Variants in TMA16 observed in about 807,000 individuals in gnomAD.
TMA16 encodes translation machinery-associated protein 16.
A neutral mutation model predicts 27.1 loss-of-function variants in TMA16; 26 were observed. The observed-to-expected ratio is 0.96, with a 90% confidence interval of 0.70 to 1.33. The LOEUF is 1.33. Ranked by LOEUF, TMA16 falls within the 40% of genes most tolerant of loss-of-function variation. The pLI is 0.00. For synonymous variants in TMA16, 71 were observed against 81.9 expected (o/e 0.87, Z 0.72); for missense variants, 233 against 241.4 (o/e 0.97, Z 0.23).
chr4:163,499,115 T>G (rs1278200560), intron 1 of TMA16, among the ~76,000 whole-genome samples: 7 of 152,186 alleles, frequency 4.6e-5, no homozygotes, highest in Non-Finnish European at 8.8e-5. Flanking sequence ...TTCATTGAAG[T>G]TTTTGTTTTT....
intron 1 of TMA16, among the ~76,000 whole-genome samples, chr4:163,496,006 T>C (rs1737547929): frequency 6.6e-6 from 1 of 152,252 alleles, no homozygotes; most frequent in Non-Finnish European, 1.5e-5. Context: ...GGTATTTGAC[T>C]GTAGTTGTCC....
At chr4:163,504,905 T>C (rs191486512) in intron 1 of TMA16, among the ~76,000 whole-genome samples, 13 of 152,280 alleles carry the variant, frequency 8.5e-5, no homozygotes, top group African/African-American at 3.1e-4. Flanking sequence ...CTTCACTAGC[T>C]GTTGTCTGGA....
chr4:163,495,816 T>C (rs953139241), intron 1 of TMA16, among the ~76,000 whole-genome samples: 2 of 152,208 alleles, frequency 1.3e-5, no homozygotes, highest in African/African-American at 4.8e-5. Flanking sequence ...TTTATTTTGA[T>C]CCACTGCTGA....
intron 1 of TMA16, among the ~76,000 whole-genome samples, chr4:163,495,486 T>C (rs931667448): frequency 6.6e-6 from 1 of 152,212 alleles, no homozygotes; most frequent in Admixed American, 6.5e-5. Context: ...ATTATCTAAG[T>C]TTTGTATTTA....
chr4:163,506,467 A>G (rs1033399300), intron 1 of TMA16, among the ~76,000 whole-genome samples: 13 of 152,194 alleles, frequency 8.5e-5, no homozygotes, highest in Admixed American at 2.6e-4. Context: ...TTGTGGGCTG[A>G]TTAACTGGCA....
At chr4:163,495,387 C>T (rs943193648) in intron 1 of TMA16, among the ~76,000 whole-genome samples, 1 of 152,176 alleles carries the variant, frequency 6.6e-6, no homozygotes, top group African/African-American at 2.4e-5. Context: ...TTCTCGTTTA[C>T]CCATTTTGTA....
At chr4:163,505,419 C>T (rs1737706501) in intron 1 of TMA16, among the ~76,000 whole-genome samples, 1 of 152,144 alleles carries the variant, frequency 6.6e-6, no homozygotes, top group Non-Finnish European at 1.5e-5. Context: ...GAGCAGAGCG[C>T]TCAATGAGTG....
chr4:163,514,067 T>C lies in TMA16; in HGVS notation c.155-7T>C, dbSNP rs1366037775. 7.5e-6 allele frequency: 12 copies of C among 1,600,724 alleles called. No homozygotes were observed. The South Asian group carries it at 1.2e-4, about 16-fold the overall frequency. ...GGGTAAACTGTCTTGGTACTTGTTG[T>C]TTATAGGTGAAAAACTGCAATGGTT... On this transcript the variant is annotated splice_region_variant and splice_polypyrimidine_tract_variant and intron_variant, in intron 3 of 6. Transcript: ENST00000358572.
Position 163,519,814 on chromosome 4 carries a change from T to C in TMA16, c.*300T>C. ...GACAAAAAATGTTTTGTTTTTCTTG[T>C]GTATTTATGATCACCTAATTTCACG... On this transcript the variant is annotated 3_prime_UTR_variant, in exon 7 of 7. Coordinates refer to ENST00000358572, the MANE Select transcript of TMA16 (RefSeq NM_018352.3). 1 of 501,072 alleles carries C rather than the reference T, an allele frequency of 2.0e-6. No individual in the cohort carries two copies. Among genetic ancestry groups the C allele is most frequent in the South Asian group, 2.4e-5 (1 of 42,100 alleles). 31.0% of individuals were successfully genotyped at this position (501,072 alleles called of 1,614,324 possible).
chr4:163,503,589 T>C (rs571122907), intron 1 of TMA16, among the ~76,000 whole-genome samples: 1 of 152,356 alleles, frequency 6.6e-6, no homozygotes, highest in East Asian at 1.9e-4. Context: ...TTACTTCTAG[T>C]TATGAATCCA....
At chr4:163,496,571 G>A (rs1419166142) in intron 1 of TMA16, among the ~76,000 whole-genome samples, 1 of 152,006 alleles carries the variant, frequency 6.6e-6, no homozygotes, top group Non-Finnish European at 1.5e-5. Flanking sequence ...TCTTTATGCT[G>A]CATTAAAAAG....
chr4:163,513,852 C>T (rs113693115), intron 3 of TMA16, among the ~76,000 whole-genome samples: 2 of 152,094 alleles, frequency 1.3e-5, no homozygotes, highest in East Asian at 1.9e-4. Context: ...TATACAGAAG[C>T]GCATCCCTCC....
intron 4 of TMA16, among the ~76,000 whole-genome samples, chr4:163,514,779 T>C (rs1470130885): frequency 6.6e-6 from 1 of 152,168 alleles, no homozygotes; most frequent in Non-Finnish European, 1.5e-5. Flanking sequence ...GCTGTAACAA[T>C]CCAGGCCAGA....
chr4:163,519,972 T>G lies in TMA16; in HGVS notation c.*458T>G, dbSNP rs758926659. On this transcript the variant is annotated 3_prime_UTR_variant, in exon 7 of 7. Transcript: ENST00000358572. ...CTTTTAAACATTAAACCTATTTTCC[T>G]TTTTTACAGAATAAGGGAAAATGTG... 1.7e-6 allele frequency: 1 copy of G among 596,468 alleles called. No individual in the cohort carries two copies. The highest frequency in any genetic ancestry group is 1.7e-5 in the South Asian group (1 of 58,364). 36.9% of individuals were successfully genotyped at this position (596,468 alleles called of 1,614,324 possible). A position where few individuals can be genotyped will look rare whatever the true frequency, so the allele number is the denominator to read the frequency against.
At position 163,494,762 on chromosome 4, in the gene TMA16, C is replaced by T. The variant is rs771060924; in HGVS notation, c.-40C>T. On this transcript the variant is annotated 5_prime_UTR_variant, in exon 1 of 7. Coordinates refer to ENST00000358572, the MANE Select transcript of TMA16 (RefSeq NM_018352.3). ...CTGCGGTTGGTGAGATTACCTGGGTCTAGAGTGCGGAGCTGCTCCGTGGCC... is the reference window on the plus strand; with the variant it reads ...CTGCGGTTGGTGAGATTACCTGGGTTTAGAGTGCGGAGCTGCTCCGTGGCC... 2 of 1,613,102 alleles carry T rather than the reference C, an allele frequency of 1.2e-6. No individual in the cohort carries two copies. The highest frequency in any genetic ancestry group is 1.1e-5 in the South Asian group (1 of 91,076).
intron 4 of TMA16, among the ~76,000 whole-genome samples, 164 bp downstream of exon 4, chr4:163,514,322 T>C (rs1447351754): frequency 2.0e-5 from 3 of 152,108 alleles, no homozygotes; most frequent in Non-Finnish European, 2.9e-5. Context: ...TGTAACCTAT[T>C]TGGGTCTCAG....
intron 1 of TMA16, among the ~76,000 whole-genome samples, chr4:163,495,660 T>C (rs1023699414): frequency 2.0e-5 from 3 of 152,180 alleles, no homozygotes; most frequent in Admixed American, 1.3e-4. Flanking sequence ...AAAAGCAAAA[T>C]TTTAAAAGTT....
chr4:163,513,948 T>G, intron 3 of TMA16, 126 bp from the exon 4 acceptor site: 1 of 586,128 alleles, frequency 1.7e-6, no homozygotes, highest in South Asian at 3.0e-5. Context: ...CACAAGGCTT[T>G]ATGTTTAACA....
Position 163,520,029 on chromosome 4 carries a change from GATT to G in TMA16, c.*522_*524del, listed in dbSNP as rs1256664280. ...AGTTTGTATACATTTCTGGATTATA[GATT>G]ATTATTTATCTTTTGAACCAGAGCT... is the stretch of plus-strand genomic sequence containing the variant. On this transcript the variant is annotated 3_prime_UTR_variant, in exon 7 of 7. Coordinates refer to ENST00000358572, the MANE Select transcript of TMA16 (RefSeq NM_018352.3). 6 of 607,480 alleles carry G rather than the reference GATT, an allele frequency of 9.9e-6. No individual in the cohort carries two copies. The highest frequency in any genetic ancestry group is 1.8e-5 in the Non-Finnish European group (6 of 332,186). The allele number at this position is 607,480 out of a possible 1,614,324, so 37.6% of individuals were successfully genotyped here.
Sources: gnomAD v4.1 joint callset for allele counts (sites outside exome capture counted in the v4.1 genomes callset) on GRCh38, gnomAD v4.1.1 for gene constraint, MANE v1.5 for transcripts, NCBI Gene and HGNC (gene_info 2026-07-23, HGNC 2026-07-21) for gene names.